The following XKR4 variants were observed in gnomAD, a reference collection of about 807,000 sequenced individuals.
XKR4 encodes the protein XK-related protein 4.
A neutral mutation model predicts 53.9 loss-of-function variants in XKR4; 12 were observed. The ratio of observed to expected loss-of-function variants is 0.22; its 90% CI spans 0.14 to 0.36. XKR4 has a LOEUF of 0.36. Among genes scored for constraint, XKR4 ranks in the 10% least tolerant of loss-of-function variants. The pLI is 1.00. For missense variants in XKR4, 799 were observed against 859.5 expected (o/e 0.93, Z 0.88); for synonymous variants, 354 against 362.4 (o/e 0.98, Z 0.26).
intron 1 of XKR4, among the ~76,000 whole-genome samples, chr8:55,187,807 A>G (rs559493455): frequency 6.6e-6 from 1 of 152,370 alleles, no homozygotes; most frequent in Admixed American, 6.5e-5. Context: ...CGCTGAAAAC[A>G]TATGATAGAT....
intron 1 of XKR4, among the ~76,000 whole-genome samples, chr8:55,112,660 T>C (rs1236030261): frequency 7.0e-6 from 1 of 142,162 alleles, no homozygotes; most frequent in Non-Finnish European, 1.5e-5. Flanking sequence ...TGATTCCCTA[T>C]AACTTCTATC....
intron 1 of XKR4, among the ~76,000 whole-genome samples, chr8:55,349,294 C>T (rs752859284): frequency 3.3e-5 from 5 of 152,124 alleles, no homozygotes; most frequent in African/African-American, 4.8e-5. Flanking sequence ...CAAAAAAGTA[C>T]GTAGAAGACT....
At position 55,103,851 on chromosome 8, in the gene XKR4, G is replaced by GTGTA. The variant is rs1187141027; in HGVS notation, c.806+558_806+559insGTAT. Among the ~76,000 whole-genome samples the GTGTA allele has an allele frequency of 9.2e-3, 973 of 105,840 alleles. 7 individuals carry two copies. Among genetic ancestry groups the GTGTA allele is most frequent in the Non-Finnish European group, 0.012 (604 of 52,336 alleles). 69.4% of individuals were successfully genotyped at this position (105,840 alleles called of 152,430 possible). On this transcript the variant is annotated intron_variant, in intron 1 of 2. Transcript: ENST00000327381. ...AAGATCCTAATAGGCAAATGACTTT[G>GTGTA]TATATATATATATATATATATATAT...
chr8:55,122,032 C>T (rs959256728), intron 1 of XKR4, among the ~76,000 whole-genome samples: 1 of 152,074 alleles, frequency 6.6e-6, no homozygotes. Context: ...TTTAAAAGGC[C>T]TTGCCAGAAT....
At chr8:55,298,815 A>G (rs1385648821) in intron 1 of XKR4, among the ~76,000 whole-genome samples, 3 of 152,166 alleles carry the variant, frequency 2.0e-5, no homozygotes, top group African/African-American at 7.2e-5. Context: ...ATATAAACAC[A>G]TATATGTGTG....
At chr8:55,223,579 A>G (rs1376455187) in intron 1 of XKR4, among the ~76,000 whole-genome samples, 1 of 152,228 alleles carries the variant, frequency 6.6e-6, no homozygotes, top group Non-Finnish European at 1.5e-5. Context: ...AATTTTTCCA[A>G]TGCATTTCTA....
At chr8:55,179,362 C>T (rs756225942) in intron 1 of XKR4, among the ~76,000 whole-genome samples, 1 of 152,122 alleles carries the variant, frequency 6.6e-6, no homozygotes, top group African/African-American at 2.4e-5. Context: ...ACATGCAAGA[C>T]TTCTCAAAAT....
intron 1 of XKR4, among the ~76,000 whole-genome samples, chr8:55,289,729 GAA>G (rs1369831638): frequency 6.9e-5 from 3 of 43,524 alleles, no homozygotes; most frequent in East Asian, 9.9e-4. Context: ...GAAAGAGAAA[GAA>G]AGAAAGAAAG....
chr8:55,482,802 A>T (rs968545734), intron 2 of XKR4, among the ~76,000 whole-genome samples: 1 of 152,194 alleles, frequency 6.6e-6, no homozygotes, highest in African/African-American at 2.4e-5. Flanking sequence ...TTGGATTTCC[A>T]AAACAGAATT....
intron 1 of XKR4, among the ~76,000 whole-genome samples, chr8:55,132,741 C>T (rs1816575968): frequency 6.6e-6 from 1 of 152,064 alleles, no homozygotes; most frequent in Non-Finnish European, 1.5e-5. Context: ...GTGAGGAGTT[C>T]CTAAGTGGGA....
At chr8:55,221,199 T>G (rs1447362732) in intron 1 of XKR4, among the ~76,000 whole-genome samples, 3 of 152,222 alleles carry the variant, frequency 2.0e-5, no homozygotes, top group Admixed American at 6.5e-5. Flanking sequence ...TTCTTACTTT[T>G]ATTGCCTGTC....
At position 55,109,078 on chromosome 8, in the gene XKR4, G is replaced by A. The variant is rs531560800; in HGVS notation, c.806+5784G>A. Reference sequence around the variant, plus strand: ...TGTGTAGGCCCCCTGGGACAAAATGGGTGGGACCTATAGGAAGAGATTTTG... The same window carrying A: ...TGTGTAGGCCCCCTGGGACAAAATGAGTGGGACCTATAGGAAGAGATTTTG... On this transcript the variant is annotated intron_variant, in intron 1 of 2. Coordinates refer to ENST00000327381, the MANE Select transcript of XKR4 (RefSeq NM_052898.2). Among the ~76,000 whole-genome samples the A allele has an allele frequency of 4.7e-4, 72 of 152,228 alleles. 2 individuals carry two copies. In the South Asian group the frequency reaches 0.011, roughly 24 times the overall value.
At chr8:55,214,149 C>T (rs1285088257) in intron 1 of XKR4, among the ~76,000 whole-genome samples, 1 of 152,008 alleles carries the variant, frequency 6.6e-6, no homozygotes, top group African/African-American at 2.4e-5. Flanking sequence ...AGGCATGAGC[C>T]ACCGCACCCA....
chr8:55,396,933 C>T (rs1804527722), intron 2 of XKR4, among the ~76,000 whole-genome samples: 1 of 152,158 alleles, frequency 6.6e-6, no homozygotes, highest in Non-Finnish European at 1.5e-5. Context: ...TATATTTTCC[C>T]ATGTCTGACA....
chr8:55,453,061 G>T, intron 2 of XKR4: 1 of 597,498 alleles, frequency 1.7e-6, no homozygotes, highest in Non-Finnish European at 3.3e-6. Context: ...AACCTCCTGG[G>T]CTGGGGCCTG....
intron 1 of XKR4, among the ~76,000 whole-genome samples, chr8:55,164,973 G>T (rs1206034649): frequency 6.6e-6 from 1 of 152,120 alleles, no homozygotes; most frequent in Non-Finnish European, 1.5e-5. Flanking sequence ...AATTCACTCG[G>T]AGGCAAGGTG....
chr8:55,132,578 T>G (rs952916692), intron 1 of XKR4, among the ~76,000 whole-genome samples: 1 of 152,170 alleles, frequency 6.6e-6, no homozygotes, highest in African/African-American at 2.4e-5. Flanking sequence ...AGTGAAACCA[T>G]GTACAGTGAA....
At chr8:55,163,157 C>T (rs1209609725) in intron 1 of XKR4, among the ~76,000 whole-genome samples, 1 of 152,212 alleles carries the variant, frequency 6.6e-6, no homozygotes, top group African/African-American at 2.4e-5. Flanking sequence ...GTTACATACA[C>T]ATACCTGCTG....
At chr8:55,189,441 C>G (rs1293830791) in intron 1 of XKR4, among the ~76,000 whole-genome samples, 1 of 152,156 alleles carries the variant, frequency 6.6e-6, no homozygotes, top group Non-Finnish European at 1.5e-5. Flanking sequence ...ACAGAGTGCA[C>G]TTTCACAAAC....
Sources: allele counts gnomAD v4.1 joint callset (sites outside exome capture counted in the v4.1 genomes callset), GRCh38; gene constraint gnomAD v4.1.1; transcripts MANE v1.5; gene names NCBI Gene and HGNC (gene_info 2026-07-23, HGNC 2026-07-21).